SULF1: variants seen among roughly 807,000 people sequenced by gnomAD.
SULF1 encodes extracellular sulfatase Sulf-1.
SULF1 carries 46 observed loss-of-function variants against 110.5 expected under a neutral mutation model. The ratio of observed to expected loss-of-function variants is 0.42; its 90% confidence interval spans 0.33 to 0.53. The LOEUF (loss-of-function observed/expected upper bound fraction) is 0.53, where lower values mean the gene tolerates loss of function less well. Among genes scored for constraint, SULF1 ranks in the 20% least tolerant of loss-of-function variants. The pLI, the probability that SULF1 is intolerant of heterozygous loss-of-function variation, is 0.12. For missense variants in SULF1, 941 were observed against 1,094.2 expected, an observed-to-expected ratio of 0.86 and a Z score of 1.98; for synonymous variants, 371 against 387.1, an observed-to-expected ratio of 0.96 and a Z score of 0.49.
intron 3 of SULF1, among the ~76,000 whole-genome samples, chr8:69,533,381 T>A (rs1218214594): frequency 6.6e-6 from 1 of 152,210 alleles, no homozygotes; most frequent in Non-Finnish European, 1.5e-5. Context: ...ATTAGCTATT[T>A]ATCCTGATGT....
At chr8:69,479,353 G>A (rs374990017) in intron 1 of SULF1, among the ~76,000 whole-genome samples, 28 of 152,208 alleles carry the variant, frequency 1.8e-4, no homozygotes, top group African/African-American at 3.9e-4. Context: ...ACTATCTGCC[G>A]CATAGCATAA....
chr8:69,603,610 A>G lies in SULF1; in HGVS notation c.1201A>G (p.Asn401Asp). 1 of 1,613,746 alleles carries G rather than the reference A, an allele frequency of 6.2e-7. No individual in the cohort carries two copies. Among genetic ancestry groups the G allele is most frequent in the Non-Finnish European group, 8.5e-7 (1 of 1,179,600 alleles). The change falls in exon 12 of 23, where the codon AAC becomes GAC. Residue 401 changes from asparagine to aspartate, a missense_variant. Around this residue, in one of 3 missense-constraint regions of SULF1, gnomAD observed 822 missense variants for 934.3 expected, o/e 0.88. Transcript: ENST00000402687. Reference protein sequence around the residue: ...PEKPGNRFRTNKKAKIWRDTF... With the variant: ...PEKPGNRFRTDKKAKIWRDTF... Reference sequence around the variant, plus strand: ...TCATTTTGCTTTCAGGTTTCGAACAAACAAGAAGGCCAAAATTTGGCGTGA... The same window carrying G: ...TCATTTTGCTTTCAGGTTTCGAACAGACAAGAAGGCCAAAATTTGGCGTGA...
chr8:69,570,518 C>T (rs1805150218), intron 5 of SULF1, among the ~76,000 whole-genome samples: 1 of 152,172 alleles, frequency 6.6e-6, no homozygotes, highest in Non-Finnish European at 1.5e-5. Context: ...GGGACATTTT[C>T]TCCGATCCTT....
intron 22 of SULF1, among the ~76,000 whole-genome samples, chr8:69,643,100 C>A (rs1326643868): frequency 6.6e-6 from 1 of 152,146 alleles, no homozygotes; most frequent in Non-Finnish European, 1.5e-5. Flanking sequence ...ATTTCATAGT[C>A]CATAGGGCAA....
intron 6 of SULF1, chr8:69,584,709 G>A (rs989235952): frequency 6.6e-6 from 1 of 152,202 alleles, no homozygotes; most frequent in African/African-American, 2.4e-5. Context: ...CAATAGGCTT[G>A]TAATAAAGTA....
At chr8:69,628,496 G>A (rs1490814848) in intron 18 of SULF1, among the ~76,000 whole-genome samples, 2 of 152,206 alleles carry the variant, frequency 1.3e-5, no homozygotes, top group Non-Finnish European at 2.9e-5. Flanking sequence ...CCTGGCAGAT[G>A]GGACCAGTAA....
chr8:69,586,540 T>C, intron 7 of SULF1, 32 bp downstream of exon 7: 1 of 1,596,856 alleles, frequency 6.3e-7, no homozygotes, highest in Non-Finnish European at 8.5e-7. Flanking sequence ...ACTGCATCAA[T>C]TTACTTTGTG....
intron 3 of SULF1, among the ~76,000 whole-genome samples, chr8:69,533,354 A>G (rs552347517): frequency 6.6e-6 from 1 of 152,292 alleles, no homozygotes; most frequent in South Asian, 2.1e-4. Context: ...TAACTTAGGT[A>G]TTAAGCCCTG....
At chr8:69,478,982 C>G (rs1400403009) in intron 1 of SULF1, among the ~76,000 whole-genome samples, 3 of 152,094 alleles carry the variant, frequency 2.0e-5, no homozygotes, top group Non-Finnish European at 4.4e-5. Flanking sequence ...TCACAACTAC[C>G]CCGGGCATTC....
chr8:69,579,905 C>T (rs1232482295), intron 6 of SULF1, among the ~76,000 whole-genome samples: 2 of 151,970 alleles, frequency 1.3e-5, no homozygotes, highest in Non-Finnish European at 2.9e-5. Flanking sequence ...AGCTACAAAC[C>T]TAAGAAAAAT....
At position 69,543,608 on chromosome 8, in the gene SULF1, T is replaced by G. The variant is rs549854212; in HGVS notation, c.-133-19931T>G. Among the ~76,000 whole-genome samples the G allele has an allele frequency of 2.4e-4, 36 of 152,344 alleles. 3 individuals are homozygous for G. In the South Asian group the frequency reaches 7.3e-3, roughly 31 times the overall value. On this transcript the variant is annotated intron_variant, in intron 3 of 22. Coordinates refer to ENST00000402687, the MANE Select transcript of SULF1 (RefSeq NM_001128205.2). The stretch of plus-strand genomic sequence containing the variant: ...ACAATGTATATGTACCACATTTCCT[T>G]TATCCAGTCTATCACTGATGGGCAT...
chr8:69,563,881 A>G, intron 4 of SULF1, 35 bp from the exon 5 acceptor site: 1 of 1,277,336 alleles, frequency 7.8e-7, no homozygotes, highest in South Asian at 1.3e-5. Context: ...ATTTCATTTT[A>G]GTCTCACCGT....
intron 5 of SULF1, among the ~76,000 whole-genome samples, chr8:69,565,181 C>T (rs1447703599): frequency 6.6e-6 from 1 of 151,786 alleles, no homozygotes; most frequent in Non-Finnish European, 1.5e-5. Context: ...AAAAAGCCAG[C>T]AGATGTCATT....
chr8:69,640,067 A>C (rs1811339451), intron 21 of SULF1, among the ~76,000 whole-genome samples: 1 of 148,602 alleles, frequency 6.7e-6, no homozygotes, highest in Non-Finnish European at 1.5e-5. Flanking sequence ...CAAATCTTAC[A>C]AAAAAAAGAG....
chr8:69,561,885 A>T (rs1815510242), intron 3 of SULF1, among the ~76,000 whole-genome samples: 1 of 152,200 alleles, frequency 6.6e-6, no homozygotes, highest in Non-Finnish European at 1.5e-5. Context: ...CAGGTTTCTC[A>T]CGATTTAAAA....
intron 19 of SULF1, among the ~76,000 whole-genome samples, chr8:69,635,670 G>A (rs1271264672): frequency 2.0e-5 from 3 of 152,056 alleles, no homozygotes; most frequent in Non-Finnish European, 4.4e-5. Flanking sequence ...GTCGGAGTTC[G>A]AGACCAGCCT....
intron 6 of SULF1, among the ~76,000 whole-genome samples, chr8:69,578,111 A>G (rs982807461): frequency 6.6e-6 from 1 of 152,172 alleles, no homozygotes; most frequent in African/African-American, 2.4e-5. Context: ...AACACCATCC[A>G]TTGTAAAGTT....
intron 3 of SULF1, chr8:69,562,870 G>A (rs2150718169): frequency 6.5e-6 from 1 of 153,006 alleles, no homozygotes; most frequent in Admixed American, 6.5e-5. Flanking sequence ...CAATCGAGAG[G>A]GGGCTCTGTC....
intron 20 of SULF1, 45 bp downstream of exon 20, chr8:69,638,689 A>C (rs17721567): frequency 0.056 from 91,083 of 1,612,904 alleles, 2,847 homozygotes; most frequent in African/African-American, 0.08. Flanking sequence ...TGAAAATAGG[A>C]TAACCAGACA....
Sources: allele counts gnomAD v4.1 joint callset (sites outside exome capture counted in the v4.1 genomes callset), GRCh38; gene constraint gnomAD v4.1.1; regional missense constraint gnomAD v4.1.1; transcripts MANE v1.5; gene names NCBI Gene and HGNC (gene_info 2026-07-23, HGNC 2026-07-21).